Variants in CLEC20A observed in about 807,000 individuals in gnomAD.
The protein encoded by CLEC20A is putative C-type lectin domain family 20 member A.
chr1:178,490,205 G>A, exon 4 of CLEC20A: 1 of 398,838 alleles, frequency 2.5e-6, no homozygotes. Flanking sequence ...AGGGGATGCT[G>A]GCCCCCAGGT....
intron 7 of CLEC20A, chr1:178,480,073 C>G (rs563587787): frequency 2.0e-5 from 3 of 150,626 alleles, no homozygotes; most frequent in African/African-American, 7.4e-5. Context: ...AACACTAGTC[C>G]AAATCAAGCT....
intron 5 of CLEC20A, chr1:178,486,501 AG>A (rs1649147493): frequency 2.5e-6 from 1 of 398,666 alleles, no homozygotes; most frequent in Non-Finnish European, 4.4e-6. Flanking sequence ...CTGCAGAGTC[AG>A]GGGGTGCAGT....
At chr1:178,488,465 A>C (rs1649200740) in intron 5 of CLEC20A, 36 bp downstream of exon 5, 2 of 398,656 alleles carry the variant, frequency 5.0e-6, no homozygotes, top group Admixed American at 8.8e-5. Context: ...CCAGACCCTG[A>C]AGACCCAGAT....
At chr1:178,482,348 C>T (rs1649012015) in exon 7 of CLEC20A, 2 of 398,472 alleles carry the variant, frequency 5.0e-6, no homozygotes, top group Admixed American at 4.4e-5. Flanking sequence ...CTTCTGGGTC[C>T]ATCAGAGTTG....
chr1:178,493,203 G>A (rs943091551), intron 2 of CLEC20A, among the ~76,000 whole-genome samples: 3 of 152,098 alleles, frequency 2.0e-5, no homozygotes, highest in Admixed American at 6.5e-5. Flanking sequence ...GGGAGACAAC[G>A]CCATACGCAC....
upstream of CLEC20A, among the ~76,000 whole-genome samples, chr1:178,497,901 GA>G (rs1182421636): frequency 2.6e-5 from 4 of 152,060 alleles, no homozygotes; most frequent in Non-Finnish European, 4.4e-5. Flanking sequence ...GGTGAGGCTA[GA>G]CCCCTTGGGT....
intron 7 of CLEC20A, 80 bp from the exon 8 acceptor site, chr1:178,479,695 A>T (rs938334206): frequency 1.8e-5 from 7 of 396,636 alleles, no homozygotes; most frequent in Non-Finnish European, 2.7e-5. Flanking sequence ...ATCCATCCGT[A>T]TACCCTTTAT....
intron 5 of CLEC20A, 126 bp downstream of exon 5, chr1:178,488,375 T>G: frequency 2.5e-6 from 1 of 396,092 alleles, no homozygotes; most frequent in Non-Finnish European, 4.4e-6. Context: ...TGCCACCCCC[T>G]TAGCTCACCC....
chr1:178,497,275 C>T (rs1649420683), upstream of CLEC20A: 4 of 284,740 alleles, frequency 1.4e-5, no homozygotes, highest in Admixed American at 5.2e-5. Context: ...GTCTCTCAGC[C>T]CCACTCTCCC....
intron 4 of CLEC20A, among the ~76,000 whole-genome samples, chr1:178,489,587 G>C (rs945313864): frequency 6.6e-6 from 1 of 151,998 alleles, no homozygotes; most frequent in Non-Finnish European, 1.5e-5. Flanking sequence ...AATGGCTCCC[G>C]TCCACCGGGG....
At chr1:178,496,969 T>G (rs1572161210), upstream of CLEC20A, 3 of 400,092 alleles carry the variant, frequency 7.5e-6, no homozygotes, top group Non-Finnish European at 1.3e-5. Flanking sequence ...GATGGCTGGG[T>G]GCTGGCTGGG....
chr1:178,486,876 G>A lies in CLEC20A; in HGVS notation c.928+1625C>T, dbSNP rs554649527. The A allele has an allele frequency of 2.2e-4, 86 of 398,250 alleles. No individual in the cohort carries two copies. In the East Asian group the frequency reaches 2.3e-3, roughly 11 times the overall value. 24.7% of individuals were successfully genotyped at this position (398,250 alleles called of 1,614,324 possible). ...AGGTGCCCCCCGGGGCCGCGAGGTT[G>A]GCCGAAGGGCCGGGTGTTACCGCCC... is the stretch of plus-strand genomic sequence containing the variant. On this transcript the variant is annotated intron_variant, in intron 5 of 7. Transcript: ENST00000623247.
intron 2 of CLEC20A, 40 bp downstream of exon 2, chr1:178,494,414 T>A: frequency 2.5e-6 from 1 of 399,972 alleles, no homozygotes; most frequent in Non-Finnish European, 4.4e-6. Flanking sequence ...GTGAGGCCCC[T>A]GGGGGAAAGA....
upstream of CLEC20A, chr1:178,496,941 G>A (rs1649409700): frequency 7.5e-6 from 3 of 400,188 alleles, no homozygotes; most frequent in Non-Finnish European, 1.3e-5. Flanking sequence ...GGGCAGCATG[G>A]CTGGGCACTG....
upstream of CLEC20A, chr1:178,497,142 G>A (rs978855684): frequency 7.6e-6 from 3 of 395,120 alleles, no homozygotes; most frequent in East Asian, 1.1e-4. Context: ...AGCAGGGTGT[G>A]AGGTGCTGGA....
rs1276176723 is a variant in CLEC20A at position 178,479,535 on chromosome 1, CT to C, written c.1202del (p.Ter401CysfsTer22). ...AGAAACTGCATATCCAAGAATTGTG[CT>C]ATTTTTTGTTCACTTCGAAGCTGAC... On this transcript the variant is annotated frameshift_variant and stop_lost, in exon 8 of 8. Transcript: ENST00000623247. LOFTEE classifies it high-confidence loss of function. 4 of 398,338 alleles carry C rather than the reference CT, an allele frequency of 1.0e-5. No individual in the cohort carries two copies. Among genetic ancestry groups the C allele is most frequent in the African/African-American group, 2.1e-5 (1 of 48,626 alleles). The allele number at this position is 398,338 out of a possible 1,614,324, so 24.7% of individuals were successfully genotyped here. A position where few individuals can be genotyped will look rare whatever the true frequency, so the allele number is the denominator to read the frequency against.
At chr1:178,494,167 G>A (rs1649333465) in intron 2 of CLEC20A, among the ~76,000 whole-genome samples, 2 of 152,252 alleles carry the variant, frequency 1.3e-5, no homozygotes, top group African/African-American at 4.8e-5. Flanking sequence ...ACTTGAGGCA[G>A]GAGGATCATT....
chr1:178,496,514 C>T (rs919717328), intron 1 of CLEC20A: 7 of 201,546 alleles, frequency 3.5e-5, no homozygotes, highest in African/African-American at 9.2e-5. Flanking sequence ...GAACCCTTGC[C>T]GCCCCCTGGT....
At chr1:178,489,293 G>A (rs1002362780) in intron 4 of CLEC20A, among the ~76,000 whole-genome samples, 1 of 152,066 alleles carries the variant, frequency 6.6e-6, no homozygotes, top group Non-Finnish European at 1.5e-5. Flanking sequence ...AACCCAGGAG[G>A]TGGAGGCTGC....
Sources: gnomAD v4.1 joint callset for allele counts (sites outside exome capture counted in the v4.1 genomes callset) on GRCh38, gnomAD v4.1.1 for gene constraint, MANE v1.5 for transcripts, NCBI Gene and HGNC (gene_info 2026-07-23, HGNC 2026-07-21) for gene names.